The following RBFOX1 variants were observed in gnomAD, a reference collection of about 807,000 sequenced individuals.
The protein encoded by RBFOX1 is RNA binding fox-1 homolog 1, also known as RNA binding protein fox-1 homolog 1.
In RBFOX1, 8 loss-of-function variants were observed where a neutral mutation model predicts 57.7. That is an observed-to-expected ratio of 0.14 (90% CI 0.08 to 0.25). The LOEUF (loss-of-function observed/expected upper bound fraction) is 0.25. Ranked by LOEUF, RBFOX1 falls within the 10% of genes least tolerant of loss-of-function variation. The pLI, the probability that RBFOX1 is intolerant of heterozygous loss-of-function variation, is 1.00. For missense variants in RBFOX1, 611 were observed against 548.5 expected (o/e 1.11, Z -1.14); for synonymous variants, 326 against 222.4 (o/e 1.47, Z -4.15).
intron 3 of RBFOX1, among the ~76,000 whole-genome samples, chr16:7,020,595 A>G (rs1414068360): frequency 6.6e-6 from 1 of 152,220 alleles, no homozygotes; most frequent in African/African-American, 2.4e-5. Flanking sequence ...TCTGTGTTTT[A>G]TCAAAGCAAC....
chr16:6,786,985 C>T (rs935548123), intron 3 of RBFOX1, among the ~76,000 whole-genome samples: 1 of 152,108 alleles, frequency 6.6e-6, no homozygotes, highest in African/African-American at 2.4e-5. Context: ...GCACAGGTCA[C>T]CCATCTCACT....
At chr16:6,132,387 T>C (rs540076058) in intron 1 of RBFOX1, among the ~76,000 whole-genome samples, 31 of 152,206 alleles carry the variant, frequency 2.0e-4, no homozygotes, top group Admixed American at 7.9e-4. Context: ...AGCATGTAGA[T>C]ACCACAGATA....
intron 4 of RBFOX1, among the ~76,000 whole-genome samples, chr16:7,080,372 C>G (rs116666506): frequency 0.01 from 1,524 of 152,194 alleles, 28 homozygotes; most frequent in African/African-American, 0.035. Flanking sequence ...TTCCTAAATC[C>G]TAGCAACAAG....
At chr16:6,668,617 G>T (rs1218217339) in intron 3 of RBFOX1, among the ~76,000 whole-genome samples, 1 of 152,128 alleles carries the variant, frequency 6.6e-6, no homozygotes, top group African/African-American at 2.4e-5. Context: ...TTACATTATG[G>T]TAGCAATTCA....
In RBFOX1 at chr16:7,630,263, A is replaced by T. The variant is rs372527517; in HGVS notation, c.677-340A>T. On this transcript the variant is annotated intron_variant, in intron 10 of 15. Coordinates refer to ENST00000550418, the MANE Select transcript of RBFOX1 (RefSeq NM_018723.4). The stretch of plus-strand genomic sequence containing the variant: ...GTGAAGAGGTGTCTGAGTCAGGCTT[A>T]CTATCTAGCTCCCTCCAATATTTCT... Among the ~76,000 whole-genome samples, 8 of 152,196 alleles carry T rather than the reference A, an allele frequency of 5.3e-5. No individual in the cohort carries two copies. The East Asian group carries it at 1.4e-3, about 26-fold the overall frequency.
chr16:7,484,906 G>A (rs1377160121), intron 4 of RBFOX1, among the ~76,000 whole-genome samples: 1 of 152,174 alleles, frequency 6.6e-6, no homozygotes, highest in African/African-American at 2.4e-5. Context: ...TCAGTATCAG[G>A]AAAGTAAAGA....
At chr16:6,492,117 A>AGTGT (rs112851602) in intron 2 of RBFOX1, among the ~76,000 whole-genome samples, 4,845 of 151,526 alleles carry the variant, frequency 0.032, 241 homozygotes, top group African/African-American at 0.11. Flanking sequence ...AGTATATGAA[A>AGTGT]GTGTGTGTGT....
chr16:7,458,127 C>T (rs1431521808), intron 4 of RBFOX1, among the ~76,000 whole-genome samples: 1 of 152,148 alleles, frequency 6.6e-6, no homozygotes, highest in East Asian at 1.9e-4. Flanking sequence ...CAGTAAGTTG[C>T]CAACTCACTG....
intron 3 of RBFOX1, among the ~76,000 whole-genome samples, chr16:6,916,581 C>T (rs1466447049): frequency 6.6e-6 from 1 of 151,974 alleles, no homozygotes; most frequent in Non-Finnish European, 1.5e-5. Context: ...TCATCGTGAC[C>T]TACACACTTG....
intron 1 of RBFOX1, among the ~76,000 whole-genome samples, chr16:5,302,729 T>C (rs2063834880): frequency 6.6e-6 from 1 of 152,232 alleles, no homozygotes; most frequent in South Asian, 2.1e-4. Context: ...TTGTCTGATA[T>C]TATTCATGCC....
rs76939370 is a variant in RBFOX1 at position 7,112,321 on chromosome 16, G to T, written c.27+60223G>T. Among the ~76,000 whole-genome samples the T allele has an allele frequency of 2.6e-3, 389 of 151,896 alleles. 3 individuals carry two copies. The highest frequency in any genetic ancestry group is 6.8e-3 in the Middle Eastern group (2 of 292). ...GGGTTCAAGTGATCCTCCAGCCTCAGACTCCAAAGTATCTGGGACTACAGG... is the reference window on the plus strand; with the variant it reads ...GGGTTCAAGTGATCCTCCAGCCTCATACTCCAAAGTATCTGGGACTACAGG... On this transcript the variant is annotated intron_variant, in intron 4 of 15. Transcript: ENST00000550418.
chr16:6,958,242 G>A (rs142129379), intron 3 of RBFOX1, among the ~76,000 whole-genome samples: 4 of 152,204 alleles, frequency 2.6e-5, no homozygotes, highest in African/African-American at 4.8e-5. Flanking sequence ...AGCCCTGCAC[G>A]ATGCAGCCGT....
intron 1 of RBFOX1, among the ~76,000 whole-genome samples, chr16:6,190,655 C>G (rs1477597328): frequency 2.0e-5 from 3 of 152,130 alleles, no homozygotes; most frequent in Non-Finnish European, 4.4e-5. Flanking sequence ...TTGGGGAACA[C>G]ACAGCCACCA....
intron 4 of RBFOX1, among the ~76,000 whole-genome samples, chr16:7,342,402 G>C (rs1442637581): frequency 6.6e-6 from 1 of 152,150 alleles, no homozygotes; most frequent in Non-Finnish European, 1.5e-5. Flanking sequence ...AGCACCCATG[G>C]TTTCAACCTG....
At chr16:5,759,117 T>C (rs1413347239) in intron 3 of RBFOX1, among the ~76,000 whole-genome samples, 1 of 152,206 alleles carries the variant, frequency 6.6e-6, no homozygotes, top group Non-Finnish European at 1.5e-5. Flanking sequence ...GCTTCCTTTC[T>C]TCACTTTCCT....
chr16:5,833,098 C>G (rs1292645653), intron 3 of RBFOX1, among the ~76,000 whole-genome samples: 1 of 152,162 alleles, frequency 6.6e-6, no homozygotes, highest in Non-Finnish European at 1.5e-5. Flanking sequence ...ATGCAAGGGT[C>G]TGGGTAAGAA....
intron 2 of RBFOX1, among the ~76,000 whole-genome samples, chr16:6,404,131 A>G (rs1206098399): frequency 1.3e-5 from 2 of 152,178 alleles, no homozygotes; most frequent in African/African-American, 2.4e-5. Context: ...TCGAAAAAAT[A>G]TATATTTTAA....
At position 6,878,429 on chromosome 16, in the gene RBFOX1, C is replaced by G. The variant is rs76192286; in HGVS notation, c.-15-173628C>G. On this transcript the variant is annotated intron_variant, in intron 3 of 15. Transcript: ENST00000550418. The stretch of plus-strand genomic sequence containing the variant: ...ATGGATTTTCCTTCATCCAAGATTG[C>G]TGAGAGTCTTTGAGAAGCAACACCA... Among the ~76,000 whole-genome samples the G allele has an allele frequency of 7.6e-4, 115 of 152,232 alleles. No homozygotes were observed. The East Asian group carries it at 0.014, about 19-fold the overall frequency.
chr16:6,851,607 T>C (rs1197902977), intron 3 of RBFOX1, among the ~76,000 whole-genome samples: 1 of 152,228 alleles, frequency 6.6e-6, no homozygotes, highest in Non-Finnish European at 1.5e-5. Flanking sequence ...CTTGTCTTAA[T>C]TATCTTTACA....
Sources: gnomAD v4.1 joint callset for allele counts (sites outside exome capture counted in the v4.1 genomes callset) on GRCh38, gnomAD v4.1.1 for gene constraint, MANE v1.5 for transcripts, NCBI Gene and HGNC (gene_info 2026-07-23, HGNC 2026-07-21) for gene names.